Variants in TTC6 observed in about 807,000 individuals in gnomAD.
TTC6 encodes tetratricopeptide repeat protein 6.
Under a neutral mutation model 210.4 loss-of-function variants are expected in TTC6, and 172 were observed. The observed-to-expected ratio is 0.82, with a 90% CI of 0.72 to 0.93. The LOEUF (loss-of-function observed/expected upper bound fraction) is 0.93, where lower values mean the gene tolerates loss of function less well. Ranked by LOEUF, TTC6 falls within the 40% of genes least tolerant of loss-of-function variation. The pLI is 0.00. For missense variants in TTC6, 2,414 were observed against 2,318.1 expected (o/e 1.04, Z -0.85); for synonymous variants, 804 against 819.6 (o/e 0.98, Z 0.32).
In TTC6 at chr14:37,803,658, A is replaced by T. The variant is rs8014932; in HGVS notation, c.4030-1022A>T. On this transcript the variant is annotated intron_variant, in intron 20 of 30. Transcript: ENST00000553443. ...GGTGAGGCAGGAGAAGATGGGGTCA[A>T]GGACAGCTTTTGAGGAGTTAGCTCT... Among the ~76,000 whole-genome samples the T allele has an allele frequency of 5.5e-3, 842 of 152,308 alleles. 14 individuals are homozygous for T. Among genetic ancestry groups the T allele is most frequent in the African/African-American group, 0.019 (805 of 41,568 alleles).
intron 14 of TTC6, among the ~76,000 whole-genome samples, chr14:37,782,147 T>G (rs2096056664): frequency 6.6e-6 from 1 of 152,218 alleles, no homozygotes; most frequent in African/African-American, 2.4e-5. Context: ...AAAGTAGTTT[T>G]TTTTAGTTCT....
intron 7 of TTC6, among the ~76,000 whole-genome samples, chr14:37,729,935 A>G (rs1446726931): frequency 1.3e-5 from 2 of 152,200 alleles, no homozygotes; most frequent in Non-Finnish European, 2.9e-5. Flanking sequence ...AGGAATAGGA[A>G]GAATTAGTGA....
intron 1 of TTC6, among the ~76,000 whole-genome samples, chr14:37,633,260 C>T (rs185219037): frequency 6.8e-4 from 104 of 152,290 alleles, no homozygotes; most frequent in African/African-American, 2.3e-3. Context: ...GGTGAAGGCA[C>T]CCGAGGGAAT....
chr14:37,790,000 A>G lies in TTC6; in HGVS notation c.3437-717A>G, dbSNP rs575066041. Among the ~76,000 whole-genome samples, 18 of 152,218 alleles carry G rather than the reference A, an allele frequency of 1.2e-4. No homozygotes were observed. The South Asian group carries it at 3.7e-3, about 32-fold the overall frequency. On this transcript the variant is annotated intron_variant, in intron 15 of 30. Transcript: ENST00000553443. ...AATTCACTAACATGTTTTGAAAGTGAAGGGGCAATCAGTAGGCGAGAGACA... is the reference window on the plus strand; with the variant it reads ...AATTCACTAACATGTTTTGAAAGTGGAGGGGCAATCAGTAGGCGAGAGACA...
chr14:37,636,644 A>G (rs1037223323), intron 1 of TTC6, among the ~76,000 whole-genome samples: 1 of 152,212 alleles, frequency 6.6e-6, no homozygotes, highest in Non-Finnish European at 1.5e-5. Flanking sequence ...CACTAAATGT[A>G]TACATTAGGA....
At chr14:37,625,710 C>T (rs1453504735) in intron 1 of TTC6, among the ~76,000 whole-genome samples, 1 of 152,056 alleles carries the variant, frequency 6.6e-6, no homozygotes, top group Non-Finnish European at 1.5e-5. Flanking sequence ...ATGATTCTTC[C>T]CTTTAGAAAT....
chr14:37,621,157 C>A (rs1476197667), upstream of TTC6, among the ~76,000 whole-genome samples: 2 of 152,162 alleles, frequency 1.3e-5, no homozygotes, highest in Non-Finnish European at 2.9e-5. Context: ...CACCTGGGAC[C>A]AGCTGGAGAG....
At chr14:37,670,870 C>T (rs546852844) in intron 1 of TTC6, among the ~76,000 whole-genome samples, 13 of 151,948 alleles carry the variant, frequency 8.6e-5, no homozygotes, top group Admixed American at 2.0e-4. Flanking sequence ...GAAACACATA[C>T]CTAAATAATA....
chr14:37,794,771 A>C (rs551670070), intron 17 of TTC6, among the ~76,000 whole-genome samples: 6 of 151,888 alleles, frequency 4.0e-5, no homozygotes, highest in Non-Finnish European at 7.4e-5. Flanking sequence ...GTTTTTGTCT[A>C]GATGGAGTCT....
chr14:37,603,090 C>T (rs1284087255), intron 1 of TTC6, among the ~76,000 whole-genome samples: 1 of 152,128 alleles, frequency 6.6e-6, no homozygotes, highest in Non-Finnish European at 1.5e-5. Flanking sequence ...AAACCACTGT[C>T]CCAAGAGATG....
chr14:37,735,988 A>G, exon 8 of TTC6: 1 of 1,531,084 alleles, frequency 6.5e-7, no homozygotes, highest in Non-Finnish European at 8.7e-7. Context: ...ACTTTACATC[A>G]ACATAGCAGA....
At chr14:37,820,905 T>C (rs529069357) in intron 26 of TTC6, among the ~76,000 whole-genome samples, 10 of 146,352 alleles carry the variant, frequency 6.8e-5, no homozygotes, top group South Asian at 2.2e-4. Flanking sequence ...TTCTCCTCCT[T>C]CTCCTCCTCC....
At chr14:37,751,823 C>CTTTTTTTTT (rs71127240) in intron 13 of TTC6, among the ~76,000 whole-genome samples, 1 of 125,512 alleles carries the variant, frequency 8.0e-6, no homozygotes, top group African/African-American at 3.0e-5. Flanking sequence ...AGGAAATGAA[C>CTTTTTTTTT]TTTTTTTTTT....
At chr14:37,824,559 A>G (rs1053042488) in intron 27 of TTC6, among the ~76,000 whole-genome samples, 3 of 152,202 alleles carry the variant, frequency 2.0e-5, no homozygotes, top group Non-Finnish European at 2.9e-5. Flanking sequence ...GGATATAGCA[A>G]TGAACAAGAT....
chr14:37,621,794 A>T (rs1212848613), upstream of TTC6, among the ~76,000 whole-genome samples: 1 of 152,218 alleles, frequency 6.6e-6, no homozygotes. Context: ...AAGAAATGTT[A>T]AAAGAAATCC....
chr14:37,668,581 G>A (rs908140407), intron 1 of TTC6, among the ~76,000 whole-genome samples: 5 of 135,630 alleles, frequency 3.7e-5, no homozygotes, highest in Middle Eastern at 3.8e-3. Flanking sequence ...TTGGCGCATC[G>A]TTACTTTTGG....
chr14:37,716,970 A>G (rs71407718), intron 6 of TTC6, among the ~76,000 whole-genome samples: 8,701 of 152,150 alleles, frequency 0.057, 383 homozygotes, highest in Non-Finnish European at 0.089. Flanking sequence ...TTGGAATCTA[A>G]ACAGTACAGC....
chr14:37,750,722 A>G (rs956925434), intron 12 of TTC6, among the ~76,000 whole-genome samples: 1 of 151,954 alleles, frequency 6.6e-6, no homozygotes, highest in Admixed American at 6.6e-5. Flanking sequence ...CCCTGTGTCT[A>G]TAAAAAAAAA....
rs984815590 is a variant in TTC6 at position 37,682,395 on chromosome 14, A to T, written c.1051-363A>T. Among the ~76,000 whole-genome samples the T allele has an allele frequency of 5.9e-5, 9 of 152,032 alleles. No homozygotes were observed. The South Asian group carries it at 1.7e-3, about 28-fold the overall frequency. Reference sequence around the variant, plus strand: ...GATATGGAAAAAAAAAAGAACCAACATGAGTTCAAGATTAAAGTTCTATTT... The same window carrying T: ...GATATGGAAAAAAAAAAGAACCAACTTGAGTTCAAGATTAAAGTTCTATTT... On this transcript the variant is annotated intron_variant, in intron 2 of 30. Transcript: ENST00000553443.
Sources: gnomAD v4.1 joint callset for allele counts (sites outside exome capture counted in the v4.1 genomes callset) on GRCh38, gnomAD v4.1.1 for gene constraint, MANE v1.5 for transcripts, NCBI Gene and HGNC (gene_info 2026-07-23, HGNC 2026-07-21) for gene names.